Variants in SCAPER observed in about 807,000 individuals in gnomAD.
SCAPER encodes the protein S-phase cyclin A associated protein in the ER, also known as S phase cyclin A-associated protein in the endoplasmic reticulum.
In SCAPER, 98 loss-of-function variants were observed where a neutral mutation model predicts 182.2. That is an observed-to-expected ratio of 0.54 (90% CI 0.46 to 0.64). The LOEUF is 0.64. Among genes scored for constraint, SCAPER ranks in the 30% least tolerant of loss-of-function variants. SCAPER has a pLI of 0.00. For missense variants in SCAPER, 1,432 were observed against 1,690.0 expected (o/e 0.85, Z 2.68); for synonymous variants, 605 against 564.6 (o/e 1.07, Z -1.01).
At chr15:76,737,006 T>C (rs1472951931) in intron 15 of SCAPER, 1 of 152,360 alleles carries the variant, frequency 6.6e-6, no homozygotes, top group Non-Finnish European at 1.5e-5. Flanking sequence ...AACTGTCCTC[T>C]TGAACCACCA....
At chr15:76,579,547 AT>A (rs2048115929) in intron 22 of SCAPER, among the ~76,000 whole-genome samples, 1 of 151,746 alleles carries the variant, frequency 6.6e-6, no homozygotes, top group Non-Finnish European at 1.5e-5. Flanking sequence ...AAAAAAAAAA[AT>A]AAAAAGCAAG....
chr15:76,379,357 A>C (rs1001000953), intron 28 of SCAPER, among the ~76,000 whole-genome samples: 1 of 152,224 alleles, frequency 6.6e-6, no homozygotes, highest in African/African-American at 2.4e-5. Flanking sequence ...AGAAGAAGGA[A>C]GAAAAGGTAC....
At chr15:76,519,758 G>C (rs1323781882) in intron 23 of SCAPER, among the ~76,000 whole-genome samples, 1 of 152,150 alleles carries the variant, frequency 6.6e-6, no homozygotes, top group East Asian at 1.9e-4. Flanking sequence ...TGAATAATCT[G>C]CATAAATGTT....
intron 24 of SCAPER, among the ~76,000 whole-genome samples, chr15:76,501,538 G>T (rs1448019001): frequency 6.6e-6 from 1 of 152,184 alleles, no homozygotes; most frequent in Admixed American, 6.5e-5. Flanking sequence ...GCAGTGACAC[G>T]TAAGGTTTAT....
At chr15:76,813,253 A>AAAAAAAAAAAAAAAAAC (rs2066808447) in intron 5 of SCAPER, among the ~76,000 whole-genome samples, 1 of 61,114 alleles carries the variant, frequency 1.6e-5, no homozygotes, top group African/African-American at 3.2e-5. Flanking sequence ...AAAAAAAAAA[A>AAAAAAAAAAAAAAAAAC]AACAACTCAA....
At chr15:76,445,787 C>T (rs1002594105) in intron 25 of SCAPER, among the ~76,000 whole-genome samples, 1 of 152,122 alleles carries the variant, frequency 6.6e-6, no homozygotes, top group Non-Finnish European at 1.5e-5. Context: ...AAAAATCAGG[C>T]TTCCAATACA....
At chr15:76,673,108 G>C (rs1291065181) in intron 20 of SCAPER, among the ~76,000 whole-genome samples, 1 of 152,036 alleles carries the variant, frequency 6.6e-6, no homozygotes, top group Non-Finnish European at 1.5e-5. Context: ...TTTCTATCTA[G>C]TAAAATTAAC....
At chr15:76,829,498 C>G (rs2068273934) in intron 5 of SCAPER, among the ~76,000 whole-genome samples, 1 of 152,202 alleles carries the variant, frequency 6.6e-6, no homozygotes, top group South Asian at 2.1e-4. Context: ...CTTAGCATCA[C>G]TATCAGGCTT....
chr15:76,544,195 A>T (rs1263668982), intron 23 of SCAPER, among the ~76,000 whole-genome samples: 1 of 152,174 alleles, frequency 6.6e-6, no homozygotes, highest in Non-Finnish European at 1.5e-5. Flanking sequence ...GAAAAATGGG[A>T]ATCTTCTTCA....
intron 10 of SCAPER, among the ~76,000 whole-genome samples, chr15:76,768,270 T>G (rs1223594209): frequency 6.6e-6 from 1 of 152,172 alleles, no homozygotes; most frequent in Non-Finnish European, 1.5e-5. Context: ...GCAGTGCTAT[T>G]CATAATAGCA....
intron 17 of SCAPER, among the ~76,000 whole-genome samples, chr15:76,709,547 A>G (rs1462993127): frequency 1.3e-5 from 2 of 152,214 alleles, no homozygotes; most frequent in African/African-American, 2.4e-5. Flanking sequence ...ACCAAAAACA[A>G]GGGGAAAAAA....
Position 76,434,082 on chromosome 15 carries a change from T to C in SCAPER, c.3307A>G (p.Ile1103Val). 6.2e-7 allele frequency: 1 copy of C among 1,611,420 alleles called. No homozygotes were observed. Among genetic ancestry groups the C allele is most frequent in the Non-Finnish European group, 8.5e-7 (1 of 1,178,402 alleles). The change falls in exon 26 of 32, where the codon ATC (isoleucine) becomes GTC (valine). Residue 1103 changes from isoleucine to valine, a missense_variant. Ile to Val is a conservative substitution (Grantham distance 29, BLOSUM62 3). Transcript: ENST00000563290. ...TAAGAACTCTAGCAATTTTACCTGA[T>C]AAGGTCCTGAACTCGATTGTTAAAA... ...DPFNNRVQDL[I>V]SYVVNMGLID...
At chr15:76,611,867 G>C (rs997422198) in intron 22 of SCAPER, among the ~76,000 whole-genome samples, 1 of 152,140 alleles carries the variant, frequency 6.6e-6, no homozygotes, top group African/African-American at 2.4e-5. Context: ...AATAGGTGCA[G>C]AAATGGCTTT....
chr15:76,678,771 C>T (rs2057516237), intron 20 of SCAPER, among the ~76,000 whole-genome samples: 1 of 152,066 alleles, frequency 6.6e-6, no homozygotes, highest in Admixed American at 6.6e-5. Flanking sequence ...TTAGACAGCA[C>T]TTTATCACAT....
At chr15:76,638,065 T>TTTATATTA (rs1400862377) in intron 21 of SCAPER, among the ~76,000 whole-genome samples, 1 of 152,124 alleles carries the variant, frequency 6.6e-6, no homozygotes, top group Non-Finnish European at 1.5e-5. Flanking sequence ...ACCAATATCT[T>TTTATATTA]TTACAAATAT....
chr15:76,832,180 G>A (rs1483879552), intron 5 of SCAPER, among the ~76,000 whole-genome samples: 1 of 152,186 alleles, frequency 6.6e-6, no homozygotes, highest in East Asian at 1.9e-4. Context: ...GAATCTGGAT[G>A]GGAAGGAAAC....
At chr15:76,490,084 G>A (rs1210982973) in intron 24 of SCAPER, among the ~76,000 whole-genome samples, 1 of 152,056 alleles carries the variant, frequency 6.6e-6, no homozygotes, top group Admixed American at 6.6e-5. Context: ...CCTCAAAATT[G>A]TCAATAGTGC....
chr15:76,377,677 T>C (rs1175407368), intron 28 of SCAPER, among the ~76,000 whole-genome samples: 1 of 152,202 alleles, frequency 6.6e-6, no homozygotes, highest in African/African-American at 2.4e-5. Context: ...AATCAGACTC[T>C]TTGCTGAAGA....
At chr15:76,844,256 C>T (rs1328371076) in intron 4 of SCAPER, among the ~76,000 whole-genome samples, 2 of 92,142 alleles carry the variant, frequency 2.2e-5, no homozygotes, top group South Asian at 7.2e-4. Context: ...ATTTGAGAGA[C>T]AAAGACAGAA....
Sources: allele counts gnomAD v4.1 joint callset (sites outside exome capture counted in the v4.1 genomes callset), GRCh38; gene constraint gnomAD v4.1.1; transcripts MANE v1.5; gene names NCBI Gene and HGNC (gene_info 2026-07-23, HGNC 2026-07-21).